Variants in TMC1 observed in about 807,000 individuals in gnomAD.
TMC1 encodes transmembrane channel like 1.
A neutral mutation model predicts 105.8 loss-of-function variants in TMC1; 84 were observed. The ratio of observed to expected loss-of-function variants is 0.79; its 90% CI spans 0.67 to 0.95. The LOEUF is 0.95. TMC1 is among the 40% of genes least tolerant of loss of function. TMC1 has a pLI of 0.00. For missense variants in TMC1, 817 were observed against 914.1 expected (o/e 0.89, Z 1.37); for synonymous variants, 315 against 311.5 (o/e 1.01, Z -0.12).
At chr9:72,549,648 T>C (rs1254863734) in intron 1 of TMC1, among the ~76,000 whole-genome samples, 4 of 148,698 alleles carry the variant, frequency 2.7e-5, no homozygotes, top group African/African-American at 1.0e-4. Context: ...TCTCACTCTG[T>C]TGCCCGAGCT....
At chr9:72,667,486 G>A (rs1363175814) in intron 5 of TMC1, among the ~76,000 whole-genome samples, 2 of 152,000 alleles carry the variant, frequency 1.3e-5, no homozygotes, top group Non-Finnish European at 2.9e-5. Context: ...CTTCCTTTTT[G>A]TCTTGTTGGT....
chr9:72,793,119 G>A (rs564065112), intron 17 of TMC1, among the ~76,000 whole-genome samples: 4 of 152,292 alleles, frequency 2.6e-5, no homozygotes, highest in African/African-American at 9.6e-5. Context: ...AGTCTCAGCA[G>A]AGCAGCCACT....
chr9:72,527,670 G>T (rs1477818509), intron 1 of TMC1, among the ~76,000 whole-genome samples: 1 of 152,146 alleles, frequency 6.6e-6, no homozygotes, highest in Non-Finnish European at 1.5e-5. Context: ...CTGTTTCCCT[G>T]CGACCGCTGC....
intron 13 of TMC1, among the ~76,000 whole-genome samples, chr9:72,777,297 C>T (rs1828021679): frequency 6.6e-6 from 1 of 152,080 alleles, no homozygotes; most frequent in Admixed American, 6.5e-5. Context: ...TCCCCATTTT[C>T]CCACCCCCAA....
At chr9:72,788,635 T>C in intron 14 of TMC1, 152 bp downstream of exon 14, 1 of 883,642 alleles carries the variant, frequency 1.1e-6, no homozygotes, top group Non-Finnish European at 1.8e-6. Context: ...TGGTTCTGAT[T>C]ATAACTGGAA....
chr9:72,810,390 T>G (rs557238271), intron 18 of TMC1, among the ~76,000 whole-genome samples: 2 of 152,214 alleles, frequency 1.3e-5, no homozygotes, highest in African/African-American at 2.4e-5. Flanking sequence ...AGCACATGAT[T>G]TTTTTCTTCT....
At chr9:72,629,120 A>G (rs141403371) in intron 4 of TMC1, among the ~76,000 whole-genome samples, 22 of 152,308 alleles carry the variant, frequency 1.4e-4, no homozygotes, top group African/African-American at 5.3e-4. Context: ...GGTGTGCTTT[A>G]TGATCACCAT....
chr9:72,738,787 T>G (rs1827341715), intron 8 of TMC1, among the ~76,000 whole-genome samples: 1 of 151,876 alleles, frequency 6.6e-6, no homozygotes, highest in Non-Finnish European at 1.5e-5. Flanking sequence ...TGTTGAAGGG[T>G]CTTTTCTGTA....
chr9:72,620,809 A>G (rs909197613), intron 3 of TMC1, among the ~76,000 whole-genome samples: 2 of 152,196 alleles, frequency 1.3e-5, no homozygotes, highest in African/African-American at 4.8e-5. Flanking sequence ...GGATGTAAAG[A>G]ATAAAGGCAA....
intron 3 of TMC1, among the ~76,000 whole-genome samples, chr9:72,624,091 C>A (rs66867878): frequency 1.3e-5 from 2 of 152,108 alleles, no homozygotes; most frequent in African/African-American, 4.8e-5. Context: ...CCCTGAGGAA[C>A]GGTACTATGT....
At chr9:72,708,026 T>G (rs2117897129) in intron 8 of TMC1, among the ~76,000 whole-genome samples, 1 of 152,310 alleles carries the variant, frequency 6.6e-6, no homozygotes, top group Non-Finnish European at 1.5e-5. Context: ...AGGGTGTCTT[T>G]TCCCCACATT....
intron 23 of TMC1, among the ~76,000 whole-genome samples, chr9:72,832,276 T>C (rs1252436332): frequency 1.3e-5 from 2 of 150,308 alleles, no homozygotes; most frequent in Non-Finnish European, 3.0e-5. Flanking sequence ...TATCCTAAGT[T>C]TAGAACAGAG....
intron 1 of TMC1, among the ~76,000 whole-genome samples, chr9:72,561,039 C>T (rs779637334): frequency 4.6e-5 from 7 of 151,748 alleles, no homozygotes; most frequent in Non-Finnish European, 1.0e-4. Flanking sequence ...AAAGGCCGGG[C>T]GCGGTGGCCC....
intron 4 of TMC1, among the ~76,000 whole-genome samples, chr9:72,639,406 T>A (rs1202886921): frequency 6.6e-6 from 1 of 152,138 alleles, no homozygotes; most frequent in African/African-American, 2.4e-5. Flanking sequence ...ACTTCTAATC[T>A]CTTGATTTTT....
chr9:72,631,324 G>C (rs1038371385), intron 4 of TMC1, among the ~76,000 whole-genome samples: 1 of 152,164 alleles, frequency 6.6e-6, no homozygotes, highest in Non-Finnish European at 1.5e-5. Flanking sequence ...ATGCATTATA[G>C]AGTCTCGTTT....
chr9:72,564,033 T>G (rs1261714036), intron 1 of TMC1, among the ~76,000 whole-genome samples: 1 of 152,054 alleles, frequency 6.6e-6, no homozygotes, highest in African/African-American at 2.4e-5. Flanking sequence ...GGCGATCATA[T>G]CACTGTCTTG....
At chr9:72,753,038 T>C (rs2118060332) in intron 11 of TMC1, among the ~76,000 whole-genome samples, 1 of 152,298 alleles carries the variant, frequency 6.6e-6, no homozygotes, top group African/African-American at 2.4e-5. Flanking sequence ...AGCTAACATC[T>C]TGGAATATAT....
chr9:72,528,143 T>A (rs779178835), intron 1 of TMC1, among the ~76,000 whole-genome samples: 85 of 152,114 alleles, frequency 5.6e-4, no homozygotes, highest in Non-Finnish European at 1.1e-3. Flanking sequence ...ATGGGATTAC[T>A]GTTCTTATAA....
intron 8 of TMC1, among the ~76,000 whole-genome samples, chr9:72,725,341 ATATATATATATATATATATATATATATG>A (rs1416771767): frequency 4.3e-4 from 41 of 95,700 alleles, no homozygotes; most frequent in South Asian, 1.3e-3. Flanking sequence ...ATATATATAT[ATATATATATATATATATATATATATATG>A]TATATACACA....
Sources: allele counts gnomAD v4.1 joint callset (sites outside exome capture counted in the v4.1 genomes callset), GRCh38; gene constraint gnomAD v4.1.1; transcripts MANE v1.5; gene names NCBI Gene and HGNC (gene_info 2026-07-23, HGNC 2026-07-21).